SH3RF2: variants seen among roughly 807,000 people sequenced by gnomAD.
SH3RF2 encodes E3 ubiquitin-protein ligase SH3RF2.
In SH3RF2, 43 loss-of-function variants were observed where a neutral mutation model predicts 59.0. The observed-to-expected ratio is 0.73, with a 90% confidence interval of 0.57 to 0.94. SH3RF2 has a LOEUF of 0.94. Ranked by LOEUF, SH3RF2 falls within the 40% of genes least tolerant of loss-of-function variation. The probability of loss-of-function intolerance (pLI) is 0.00; values close to 1 mark genes in which losing one functional copy is unlikely to be tolerated. For missense variants in SH3RF2, 930 were observed against 940.1 expected (o/e 0.99, Z 0.14); for synonymous variants, 391 against 391.5 (o/e 1.00, Z 0.01).
chr5:146,019,330 C>G (rs935201333), intron 5 of SH3RF2, among the ~76,000 whole-genome samples: 14 of 152,124 alleles, frequency 9.2e-5, no homozygotes, highest in African/African-American at 3.4e-4. Context: ...CTGCATGTGG[C>G]TATTCAGTTT....
At chr5:145,951,334 T>G (rs1378838003) in intron 2 of SH3RF2, among the ~76,000 whole-genome samples, 1 of 152,208 alleles carries the variant, frequency 6.6e-6, no homozygotes, top group Non-Finnish European at 1.5e-5. Flanking sequence ...GCCTCCCTCA[T>G]GCAAGGAGTA....
At chr5:146,061,701 A>T (rs972114963) in intron 9 of SH3RF2, among the ~76,000 whole-genome samples, 6 of 152,192 alleles carry the variant, frequency 3.9e-5, no homozygotes, top group African/African-American at 1.2e-4. Context: ...TGTGAAAGGA[A>T]AGAGGAAGAG....
At position 146,039,898 on chromosome 5, in the gene SH3RF2, A is replaced by G. The variant is rs138257134; in HGVS notation, c.1060-7874A>G. 3.0e-3 allele frequency among the ~76,000 whole-genome samples: 458 copies of G among 152,374 alleles called. 2 individuals are homozygous for G. The highest frequency in any genetic ancestry group is 0.01 in the African/African-American group (432 of 41,584). On this transcript the variant is annotated intron_variant, in intron 5 of 9. Coordinates refer to ENST00000359120, the MANE Select transcript of SH3RF2 (RefSeq NM_152550.4). Reference sequence around the variant, plus strand: ...GGTTAAATGGTGGTATAGACACAGAACGAAATGTAAGAATCAGCAGTGAAA... The same window carrying G: ...GGTTAAATGGTGGTATAGACACAGAGCGAAATGTAAGAATCAGCAGTGAAA...
chr5:145,965,389 G>T (rs184498378), intron 2 of SH3RF2, among the ~76,000 whole-genome samples: 70 of 152,118 alleles, frequency 4.6e-4, no homozygotes, highest in Non-Finnish European at 8.1e-4. Flanking sequence ...GCTTTATTAG[G>T]CCCAGAGTAA....
chr5:145,982,299 C>G (rs375348435), intron 2 of SH3RF2, among the ~76,000 whole-genome samples: 237 of 152,330 alleles, frequency 1.6e-3, no homozygotes, highest in African/African-American at 5.3e-3. Flanking sequence ...GATGCAGGTG[C>G]TCCTGGAGGC....
Position 146,063,288 on chromosome 5 carries a change from A to C in SH3RF2, c.*587A>C, listed in dbSNP as rs1041282635. 1 of 152,642 alleles carries C rather than the reference A, an allele frequency of 6.6e-6. No individual in the cohort carries two copies. The highest frequency in any genetic ancestry group is 1.5e-5 in the Non-Finnish European group (1 of 68,304). 9.5% of individuals were successfully genotyped at this position (152,642 alleles called of 1,614,324 possible). On this transcript the variant is annotated 3_prime_UTR_variant, in exon 10 of 10. Coordinates refer to ENST00000359120, the MANE Select transcript of SH3RF2 (RefSeq NM_152550.4). Reference sequence around the variant, plus strand: ...CTGAGAACCCAATAAAACTAGAAGGAGCCAGCTTCCTGAGTATGCTCCACT... The same window carrying C: ...CTGAGAACCCAATAAAACTAGAAGGCGCCAGCTTCCTGAGTATGCTCCACT...
intron 2 of SH3RF2, among the ~76,000 whole-genome samples, chr5:145,982,620 T>C (rs1305232203): frequency 6.6e-6 from 1 of 152,190 alleles, no homozygotes; most frequent in African/African-American, 2.4e-5. Context: ...CTCACAATAC[T>C]TATTGGGCCA....
intron 2 of SH3RF2, among the ~76,000 whole-genome samples, chr5:145,984,959 C>G (rs184093714): frequency 6.6e-6 from 1 of 152,260 alleles, no homozygotes; most frequent in East Asian, 1.9e-4. Flanking sequence ...AGTTCAAGAC[C>G]AGCCTGGGCA....
chr5:145,942,099 G>C (rs1757838058), intron 2 of SH3RF2, among the ~76,000 whole-genome samples: 1 of 152,180 alleles, frequency 6.6e-6, no homozygotes, highest in Non-Finnish European at 1.5e-5. Context: ...CTCACTTCCA[G>C]AACCCTTAAG....
chr5:146,069,655 C>A (rs900460141), intron 9 of SH3RF2, among the ~76,000 whole-genome samples: 1 of 152,090 alleles, frequency 6.6e-6, no homozygotes, highest in Non-Finnish European at 1.5e-5. Context: ...CTCACTGCAC[C>A]CTCAACAGCC....
intron 2 of SH3RF2, among the ~76,000 whole-genome samples, chr5:145,965,223 C>A (rs569947885): frequency 7.2e-5 from 11 of 151,740 alleles, no homozygotes; most frequent in African/African-American, 2.7e-4. Context: ...AAAAAAAAAA[C>A]CTAGAACTGT....
At chr5:145,964,602 C>T (rs557393592) in intron 2 of SH3RF2, among the ~76,000 whole-genome samples, 25 of 152,120 alleles carry the variant, frequency 1.6e-4, no homozygotes, top group Non-Finnish European at 2.8e-4. Flanking sequence ...CCACCATGCT[C>T]GGCCAGTTTT....
intron 2 of SH3RF2, among the ~76,000 whole-genome samples, chr5:145,965,906 A>T (rs1758839460): frequency 6.6e-6 from 1 of 152,228 alleles, no homozygotes; most frequent in South Asian, 2.1e-4. Context: ...AATGAGAAGC[A>T]TTTTATCAGA....
chr5:146,064,656 GAGAGAAAGAGAA>G (rs1561773045), downstream of SH3RF2, among the ~76,000 whole-genome samples: 11 of 13,434 alleles, frequency 8.2e-4, 1 homozygote, highest in South Asian at 0.011. Flanking sequence ...GAAAGAGAGA[GAGAGAAAGAGAA>G]AGAAAGAAAG....
downstream of SH3RF2, among the ~76,000 whole-genome samples, chr5:146,068,224 C>T (rs541421607): frequency 8.5e-5 from 13 of 152,338 alleles, no homozygotes; most frequent in African/African-American, 2.9e-4. Context: ...TTATCTGTTT[C>T]CATGAGAGGA....
exon 10 of SH3RF2, chr5:146,080,755 G>A (rs1763411405): frequency 6.6e-6 from 1 of 152,218 alleles, no homozygotes; most frequent in South Asian, 2.1e-4. Flanking sequence ...CCCACATGGA[G>A]TCATCAGAGA....
chr5:146,075,140 C>A (rs1190018519), intron 9 of SH3RF2, among the ~76,000 whole-genome samples: 1 of 152,172 alleles, frequency 6.6e-6, no homozygotes, highest in Non-Finnish European at 1.5e-5. Flanking sequence ...AATGTGACAG[C>A]CACTGTTTAA....
chr5:145,985,151 G>C (rs1759653029), intron 2 of SH3RF2, among the ~76,000 whole-genome samples: 1 of 149,472 alleles, frequency 6.7e-6, no homozygotes, highest in Non-Finnish European at 1.5e-5. Context: ...GCAAGACCCT[G>C]TCTCAAAAAA....
At chr5:145,981,061 A>G (rs1759488238) in intron 2 of SH3RF2, among the ~76,000 whole-genome samples, 1 of 152,078 alleles carries the variant, frequency 6.6e-6, no homozygotes, top group African/African-American at 2.4e-5. Context: ...ATGTCATCGC[A>G]TATGCAGTCA....
Sources: gnomAD v4.1 joint callset for allele counts (sites outside exome capture counted in the v4.1 genomes callset) on GRCh38, gnomAD v4.1.1 for gene constraint, MANE v1.5 for transcripts, NCBI Gene and HGNC (gene_info 2026-07-23, HGNC 2026-07-21) for gene names.